The following BCL11A variants were observed in gnomAD, a reference collection of about 807,000 sequenced individuals.
BCL11A encodes B cell CLL/lymphoma 11A.
In BCL11A, 2 loss-of-function variants were observed where a neutral mutation model predicts 55.9. That is an observed-to-expected ratio of 0.04 (90% CI 0.01 to 0.11). BCL11A has a LOEUF of 0.11. BCL11A is among the 10% of genes least tolerant of loss of function. BCL11A has a pLI of 1.00. For missense variants in BCL11A, 817 were observed against 1,137.1 expected (o/e 0.72, Z 4.05); for synonymous variants, 465 against 473.4 (o/e 0.98, Z 0.23).
intron 2 of BCL11A, among the ~76,000 whole-genome samples, chr2:60,485,388 C>G (rs932714476): frequency 6.6e-6 from 1 of 152,250 alleles, no homozygotes; most frequent in Non-Finnish European, 1.5e-5. Flanking sequence ...GCCTCTACGG[C>G]CATGTTGCTG....
chr2:60,548,097 A>G (rs908518055), intron 1 of BCL11A, among the ~76,000 whole-genome samples: 4 of 152,196 alleles, frequency 2.6e-5, no homozygotes, highest in African/African-American at 9.7e-5. Context: ...CTTCTCTTAC[A>G]TTTGCTTCCA....
At chr2:60,498,524 T>C (rs1297498445) in intron 2 of BCL11A, among the ~76,000 whole-genome samples, 2 of 152,208 alleles carry the variant, frequency 1.3e-5, no homozygotes, top group Non-Finnish European at 2.9e-5. Flanking sequence ...GGCTGCCCCA[T>C]ACCCACTTCC....
intron 2 of BCL11A, among the ~76,000 whole-genome samples, chr2:60,528,913 G>C (rs1364447348): frequency 6.6e-6 from 1 of 152,180 alleles, no homozygotes; most frequent in African/African-American, 2.4e-5. Context: ...AAGGGACCTT[G>C]AGTTATCTCC....
chr2:60,470,174 A>C (rs775000709), intron 2 of BCL11A, among the ~76,000 whole-genome samples: 14 of 152,172 alleles, frequency 9.2e-5, no homozygotes, highest in Non-Finnish European at 1.9e-4. Flanking sequence ...CCAGGCCTGC[A>C]GAGGGAAGCC....
rs534043487 is a variant in BCL11A at position 60,461,625 on chromosome 2, G to T, written c.1287C>A (p.His429Gln). 9 of 1,613,772 alleles carry T rather than the reference G, an allele frequency of 5.6e-6. No homozygotes were observed. In the South Asian group the frequency reaches 8.8e-5, roughly 16 times the overall value. Reference protein sequence around the residue: ...KLKRHMKTHMHKSSPMTVKSD... With the variant: ...KLKRHMKTHMQKSSPMTVKSD... The stretch of plus-strand genomic sequence containing the variant: ...ACTTGACCGTCATGGGGGACGATTT[G>T]TGCATGTGCGTCTTCATGTGGCGCT... The change falls in exon 4 of 4, where the codon CAC becomes CAA. Residue 429 changes from histidine to glutamine, a missense_variant. His to Gln is a conservative substitution (Grantham distance 24). This residue lies in a region of BCL11A where 45 missense variants were observed against 109.0 expected (regional missense o/e 0.41). Coordinates refer to ENST00000642384, the MANE Select transcript of BCL11A (RefSeq NM_022893.4).
At chr2:60,523,014 C>T (rs1334980056) in intron 2 of BCL11A, 1 of 152,190 alleles carries the variant, frequency 6.6e-6, no homozygotes, top group Non-Finnish European at 1.5e-5. Context: ...GAGATTGAAA[C>T]AAAAATTGCC....
chr2:60,467,250 TAA>T, intron 3 of BCL11A, among the ~76,000 whole-genome samples: 1 of 86,826 alleles, frequency 1.2e-5, no homozygotes. Context: ...ATGGTGGTGG[TAA>T]TGGTGGTGGT....
rs1381071431 is a variant in BCL11A, at chr2:60,462,248, G to A, written c.664C>T (p.Pro222Ser). 1.9e-6 allele frequency: 3 copies of A among 1,613,908 alleles called. No individual in the cohort carries two copies. The highest frequency in any genetic ancestry group is 1.3e-5 in the African/African-American group (1 of 74,912). Reference protein sequence around the residue: ...GIPSGLGAECPSQPPLHGIHI... With the variant: ...GIPSGLGAECSSQPPLHGIHI... ...ATCCCATGGAGAGGTGGCTGGGAAGGACATTCTGCACCTAGTCCTGAAGGG... is the reference window on the plus strand; with the variant it reads ...ATCCCATGGAGAGGTGGCTGGGAAGAACATTCTGCACCTAGTCCTGAAGGG... Residue 222 changes from proline to serine, a missense_variant, in exon 4 of 4, where the codon CCT becomes TCT. Physicochemically the swap from Pro to Ser is moderately conservative, Grantham distance 74. Coordinates refer to ENST00000642384, the MANE Select transcript of BCL11A (RefSeq NM_022893.4).
chr2:60,551,221 T>G (rs1157811016), intron 1 of BCL11A, among the ~76,000 whole-genome samples: 2 of 152,190 alleles, frequency 1.3e-5, no homozygotes, highest in Non-Finnish European at 2.9e-5. Flanking sequence ...TGCCAAACTT[T>G]CCTAAGTGCC....
At chr2:60,507,286 G>A (rs1227662997) in intron 2 of BCL11A, among the ~76,000 whole-genome samples, 2 of 860 alleles carry the variant, frequency 2.3e-3, no homozygotes, top group African/African-American at 7.2e-3. Context: ...GGGGAGGGGA[G>A]GGGAGGGGAG....
Position 60,462,075 on chromosome 2 carries a change from T to A in BCL11A, c.837A>T (p.Ile279=). Residue 279 remains isoleucine (I), a synonymous_variant, in exon 4 of 4, where the codon ATA becomes ATT. Coordinates refer to ENST00000642384, the MANE Select transcript of BCL11A (RefSeq NM_022893.4). ...PPRHHLDPHR[I]ERLGAEEMAL... ...CCATCTCTTCCGCCCCCAGGCGCTC[T>A]ATGCGGTGGGGGTCCAAGTGATGTC... 6.3e-7 allele frequency: 1 copy of A among 1,575,264 alleles called. No homozygotes were observed. The highest frequency in any genetic ancestry group is 1.2e-5 in the South Asian group (1 of 84,532).
At chr2:60,506,883 T>A (rs1679628331) in intron 2 of BCL11A, among the ~76,000 whole-genome samples, 1 of 152,188 alleles carries the variant, frequency 6.6e-6, no homozygotes, top group South Asian at 2.1e-4. Flanking sequence ...TGCTACCTGA[T>A]GGCATTATCT....
At chr2:60,504,231 G>A (rs1425843981) in intron 2 of BCL11A, among the ~76,000 whole-genome samples, 1 of 152,234 alleles carries the variant, frequency 6.6e-6, no homozygotes, top group Non-Finnish European at 1.5e-5. Context: ...GGTTTCCCCA[G>A]CAATTCCAGA....
chr2:60,453,286 G>A (rs1053346806), downstream of BCL11A, among the ~76,000 whole-genome samples: 2 of 152,178 alleles, frequency 1.3e-5, no homozygotes, highest in Admixed American at 1.3e-4. Context: ...TTTGGAAGGG[G>A]GAAGGCAATG....
intron 2 of BCL11A, chr2:60,496,470 G>A (rs1022030122): frequency 1.3e-5 from 2 of 152,266 alleles, no homozygotes; most frequent in Admixed American, 6.5e-5. Flanking sequence ...GTCAGCTCTG[G>A]ACACACAGCA....
chr2:60,490,346 G>C, intron 2 of BCL11A, among the ~76,000 whole-genome samples: 1 of 152,116 alleles, frequency 6.6e-6, no homozygotes, highest in East Asian at 1.9e-4. Context: ...TGATCTATAG[G>C]ATATGGTCCA....
intron 2 of BCL11A, among the ~76,000 whole-genome samples, chr2:60,499,094 A>G (rs1449960898): frequency 6.6e-6 from 1 of 152,094 alleles, no homozygotes; most frequent in Non-Finnish European, 1.5e-5. Flanking sequence ...TTTCTGGGAG[A>G]TCACCCTACA....
intron 2 of BCL11A, among the ~76,000 whole-genome samples, chr2:60,493,632 C>T (rs1001268784): frequency 1.3e-5 from 2 of 152,140 alleles, no homozygotes; most frequent in Admixed American, 6.5e-5. Context: ...GTGTGGTGTT[C>T]GGAGTCCTAA....
rs754082780 is a variant in BCL11A, at chr2:60,494,846, A to G, written c.386-26013T>C. Among the ~76,000 whole-genome samples the G allele has an allele frequency of 4.6e-5, 7 of 152,264 alleles. No homozygotes were observed. In the South Asian group the frequency reaches 8.3e-4, roughly 18 times the overall value. Reference sequence around the variant, plus strand: ...ACAAAGTTATCAGGCCCTTTCCCCAATTCCTAGTTTGGGTCAGAAGAAAAG... The same window carrying G: ...ACAAAGTTATCAGGCCCTTTCCCCAGTTCCTAGTTTGGGTCAGAAGAAAAG... On this transcript the variant is annotated intron_variant, in intron 2 of 3. Transcript: ENST00000642384.
Sources: allele counts gnomAD v4.1 joint callset (sites outside exome capture counted in the v4.1 genomes callset), GRCh38; gene constraint gnomAD v4.1.1; regional missense constraint gnomAD v4.1.1; transcripts MANE v1.5; gene names NCBI Gene and HGNC (gene_info 2026-07-23, HGNC 2026-07-21).